CTDSPL2: variants seen among roughly 807,000 people sequenced by gnomAD.
The protein encoded by CTDSPL2 is CTD small phosphatase like 2, also known as CTD small phosphatase-like protein 2.
In CTDSPL2, 5 loss-of-function variants were observed where a neutral mutation model predicts 60.0. The ratio of observed to expected loss-of-function variants is 0.08; its 90% CI spans 0.04 to 0.18. The LOEUF (loss-of-function observed/expected upper bound fraction) is 0.18. CTDSPL2 is among the 10% of genes least tolerant of loss of function. The probability of loss-of-function intolerance (pLI) is 1.00; values close to 1 mark genes in which losing one functional copy is unlikely to be tolerated. For missense variants in CTDSPL2, 370 were observed against 548.8 expected, an observed-to-expected ratio of 0.67 and a Z score of 3.26; for synonymous variants, 186 against 189.3, an observed-to-expected ratio of 0.98 and a Z score of 0.14.
rs904455729 is a variant in CTDSPL2, at chr15:44,448,008, G to A, written c.-24-10983G>A. On this transcript the variant is annotated intron_variant, in intron 1 of 12. Transcript: ENST00000260327. ...CATCCTCTCCAGACTGTTGGCACCC[G>A]TCCACCCCAGTTCCATCCGGATGTT... The A allele has an allele frequency of 1.9e-5, 4 of 214,272 alleles. No individual in the cohort carries two copies. In the South Asian group the frequency reaches 2.0e-4, roughly 11 times the overall value. 13.3% of individuals were successfully genotyped at this position (214,272 alleles called of 1,614,324 possible).
intron 2 of CTDSPL2, among the ~76,000 whole-genome samples, chr15:44,479,672 G>A (rs527651881): frequency 6.6e-6 from 1 of 151,984 alleles, no homozygotes; most frequent in African/African-American, 2.4e-5. Flanking sequence ...ACCTCCCAAC[G>A]TGCTAGAATT....
At chr15:44,437,108 G>C (rs979968289) in intron 1 of CTDSPL2, among the ~76,000 whole-genome samples, 6 of 152,018 alleles carry the variant, frequency 3.9e-5, no homozygotes, top group African/African-American at 1.4e-4. Flanking sequence ...ACATTAAGTC[G>C]GGGTGGAATT....
At chr15:44,462,758 G>T (rs1028679817) in intron 2 of CTDSPL2, among the ~76,000 whole-genome samples, 1 of 144,984 alleles carries the variant, frequency 6.9e-6, no homozygotes, top group Non-Finnish European at 1.5e-5. Flanking sequence ...CCAGGGTGGA[G>T]TGCAGTGGCA....
chr15:44,456,881 T>TTTTTTTTTTTTTTTG (rs2080457745), intron 1 of CTDSPL2, among the ~76,000 whole-genome samples: 5 of 146,186 alleles, frequency 3.4e-5, no homozygotes, highest in African/African-American at 1.3e-4. Flanking sequence ...TTTTTTTGTT[T>TTTTTTTTTTTTTTTG]TTTTTTCTTT....
At chr15:44,437,630 G>A (rs1363348962) in intron 1 of CTDSPL2, among the ~76,000 whole-genome samples, 1 of 152,268 alleles carries the variant, frequency 6.6e-6, no homozygotes, top group East Asian at 1.9e-4. Flanking sequence ...TGGCCTTTTT[G>A]AGAGAGATTA....
At chr15:44,511,944 C>T (rs551224796) in intron 8 of CTDSPL2, among the ~76,000 whole-genome samples, 97 of 148,962 alleles carry the variant, frequency 6.5e-4, no homozygotes, top group Non-Finnish European at 9.9e-4. Flanking sequence ...AATCCCAGCA[C>T]TTTGGGAGGC....
At chr15:44,480,467 C>T (rs923457306) in intron 2 of CTDSPL2, among the ~76,000 whole-genome samples, 1 of 152,048 alleles carries the variant, frequency 6.6e-6, no homozygotes. Context: ...GTAAATGTTG[C>T]CCATGGGTTT....
At chr15:44,499,902 TTAAA>T (rs1299176133) in intron 8 of CTDSPL2, 89 bp downstream of exon 8, 1 of 701,266 alleles carries the variant, frequency 1.4e-6, no homozygotes, top group Non-Finnish European at 2.5e-6. Context: ...GTATGTGACA[TTAAA>T]TGTGTTTTTC....
At chr15:44,484,609 G>A (rs914653772) in intron 3 of CTDSPL2, among the ~76,000 whole-genome samples, 4 of 152,128 alleles carry the variant, frequency 2.6e-5, no homozygotes, top group Non-Finnish European at 5.9e-5. Context: ...GCGTGGTGGC[G>A]CATGCCTGTA....
At chr15:44,431,604 A>G (rs74906841) in intron 1 of CTDSPL2, among the ~76,000 whole-genome samples, 8,258 of 152,242 alleles carry the variant, frequency 0.054, 371 homozygotes, top group East Asian at 0.23. Context: ...TGTTGACAAT[A>G]TTAGCACAGA....
chr15:44,523,284 A>G (rs2081815092), intron 12 of CTDSPL2, among the ~76,000 whole-genome samples: 6 of 152,172 alleles, frequency 3.9e-5, no homozygotes, highest in Admixed American at 3.3e-4. Context: ...GGCATGAGCC[A>G]CTGCACCCAG....
rs1266368972 is a variant in CTDSPL2 at position 44,435,217 on chromosome 15, A to G, written c.-25+7445A>G. On this transcript the variant is annotated intron_variant, in intron 1 of 12. Transcript: ENST00000260327. ...GGTTACAGTGAGCCGAGATCACGCC[A>G]CTGTGCCCTAGCCTGGGCGACAGAG... is the stretch of plus-strand genomic sequence containing the variant. Among the ~76,000 whole-genome samples the G allele has an allele frequency of 2.0e-5, 3 of 147,334 alleles. No homozygotes were observed. In the East Asian group the frequency reaches 6.0e-4, roughly 29 times the overall value.
intron 3 of CTDSPL2, among the ~76,000 whole-genome samples, chr15:44,485,241 G>A (rs546859711): frequency 2.0e-5 from 3 of 152,306 alleles, no homozygotes; most frequent in South Asian, 2.1e-4. Flanking sequence ...CAATACTGCC[G>A]CTGTTGATAA....
rs1595788739 is a variant in CTDSPL2 at position 44,524,622 on chromosome 15, GTTTTAT to G, written c.*453_*458del. 6.5e-6 allele frequency: 1 copy of G among 154,750 alleles called. No individual in the cohort carries two copies. Among genetic ancestry groups the G allele is most frequent in the Non-Finnish European group, 1.4e-5 (1 of 69,638 alleles). 9.6% of individuals were successfully genotyped at this position (154,750 alleles called of 1,614,324 possible). ...TCAACAGGAATGGCCAGTAAAAGTT[GTTTTAT>G]TTTTCCTGTTAAGGTTTATAACCTT... On this transcript the variant is annotated 3_prime_UTR_variant, in exon 13 of 13. Coordinates refer to ENST00000260327, the MANE Select transcript of CTDSPL2 (RefSeq NM_016396.3).
At position 44,485,448 on chromosome 15, in the gene CTDSPL2, C is replaced by G. The variant is rs920966307; in HGVS notation, c.325+1086C>G. Among the ~76,000 whole-genome samples, 4 of 152,208 alleles carry G rather than the reference C, an allele frequency of 2.6e-5. No homozygotes were observed. The East Asian group carries it at 5.8e-4, about 22-fold the overall frequency. On this transcript the variant is annotated intron_variant, in intron 3 of 12. Transcript: ENST00000260327. Reference sequence around the variant, plus strand: ...TGATGGGAATGGTTTCAGGATGAAACTGTTCCATCTCAGATCATCAGACAT... The same window carrying G: ...TGATGGGAATGGTTTCAGGATGAAAGTGTTCCATCTCAGATCATCAGACAT...
intron 12 of CTDSPL2, 145 bp from the exon 13 acceptor site, chr15:44,523,964 A>G: frequency 1.6e-6 from 1 of 623,594 alleles, no homozygotes. Flanking sequence ...ATTTAACTGC[A>G]TCTGTGTAGT....
intron 1 of CTDSPL2, among the ~76,000 whole-genome samples, chr15:44,446,822 C>T (rs1402815719): frequency 1.5e-5 from 2 of 135,012 alleles, no homozygotes. Context: ...GTGGTGTGAT[C>T]TCAGCTCACT....
chr15:44,510,259 A>G (rs1567101215), intron 8 of CTDSPL2, among the ~76,000 whole-genome samples: 1 of 152,074 alleles, frequency 6.6e-6, no homozygotes, highest in Non-Finnish European at 1.5e-5. Context: ...TGGCCTCCCA[A>G]AGTGCTGGGA....
chr15:44,492,161 G>A (rs540204952), intron 5 of CTDSPL2, among the ~76,000 whole-genome samples: 43 of 152,074 alleles, frequency 2.8e-4, no homozygotes, highest in African/African-American at 1.0e-3. Flanking sequence ...GAGCCATTGC[G>A]CCCGGCCAAA....
Sources: gnomAD v4.1 joint callset for allele counts (sites outside exome capture counted in the v4.1 genomes callset) on GRCh38, gnomAD v4.1.1 for gene constraint, MANE v1.5 for transcripts, NCBI Gene and HGNC (gene_info 2026-07-23, HGNC 2026-07-21) for gene names.